The following TOX3 variants were observed in gnomAD, a reference collection of about 807,000 sequenced individuals.
TOX3 encodes CAG trinucleotide repeat-containing gene F9 protein.
Under a neutral mutation model 64.3 loss-of-function variants are expected in TOX3, and 22 were observed. The observed-to-expected ratio is 0.34, with a 90% CI of 0.24 to 0.49. The LOEUF is 0.49. TOX3 is among the 20% of genes least tolerant of loss of function. TOX3 has a pLI of 0.99. For missense variants in TOX3, 661 were observed against 714.4 expected (o/e 0.93, Z 0.85); for synonymous variants, 291 against 273.6 (o/e 1.06, Z -0.63).
At chr16:52,491,967 T>C (rs866752680) in intron 1 of TOX3, among the ~76,000 whole-genome samples, 1 of 152,038 alleles carries the variant, frequency 6.6e-6, no homozygotes, top group African/African-American at 2.4e-5. Flanking sequence ...ACACACCACA[T>C]TGCCAGGAGC....
At chr16:52,485,780 A>C (rs111456405) in intron 1 of TOX3, among the ~76,000 whole-genome samples, 136 of 152,290 alleles carry the variant, frequency 8.9e-4, no homozygotes, top group African/African-American at 3.2e-3. Flanking sequence ...ATGGTAATGG[A>C]GAGAAGAGAG....
At chr16:52,464,406 T>C (rs1290785737) in intron 2 of TOX3, among the ~76,000 whole-genome samples, 2 of 152,164 alleles carry the variant, frequency 1.3e-5, no homozygotes, top group African/African-American at 4.8e-5. Flanking sequence ...ATGGTTTTAA[T>C]GGAGTATCAG....
intron 5 of TOX3, 31 bp from the exon 6 acceptor site, chr16:52,444,387 T>C (rs1181803792): frequency 6.7e-7 from 1 of 1,503,632 alleles, no homozygotes; most frequent in Non-Finnish European, 9.0e-7. Context: ...GCACCACCTT[T>C]AGCGTATAAA....
At chr16:52,528,244 G>T (rs535250569) in intron 1 of TOX3, among the ~76,000 whole-genome samples, 7 of 152,262 alleles carry the variant, frequency 4.6e-5, no homozygotes, top group Admixed American at 3.3e-4. Flanking sequence ...TTAATGAAAT[G>T]CTTGGTATAC....
chr16:52,476,883 G>A (rs1010378766), intron 1 of TOX3, among the ~76,000 whole-genome samples: 6 of 152,136 alleles, frequency 3.9e-5, no homozygotes, highest in African/African-American at 1.4e-4. Context: ...ATCAAGCTAA[G>A]GGCCAACTCA....
In TOX3 at chr16:52,439,118, A is replaced by G; in HGVS notation, c.*107T>C. ...ACTTGAGAGGACCGTTTGATCTGTT[A>G]CACATTTCTGCATAACCAACACCAA... On this transcript the variant is annotated 3_prime_UTR_variant, in exon 7 of 7. Coordinates refer to ENST00000219746, the MANE Select transcript of TOX3 (RefSeq NM_001080430.4). The G allele has an allele frequency of 6.6e-7, 1 of 1,513,880 alleles. No individual in the cohort carries two copies. Among genetic ancestry groups the G allele is most frequent in the Non-Finnish European group, 9.0e-7 (1 of 1,111,140 alleles). 93.8% of individuals were successfully genotyped at this position (1,513,880 alleles called of 1,614,324 possible).
chr16:52,468,683 C>A, intron 1 of TOX3, 109 bp from the exon 2 acceptor site: 1 of 810,282 alleles, frequency 1.2e-6, no homozygotes, highest in East Asian at 2.6e-5. Context: ...TTTATCAGCC[C>A]AAATGCAAAA....
chr16:52,521,219 G>A lies in TOX3; in HGVS notation c.87+25418C>T, dbSNP rs1962599741. Among the ~76,000 whole-genome samples, 4 of 152,244 alleles carry A rather than the reference G, an allele frequency of 2.6e-5. No individual in the cohort carries two copies. In the South Asian group the frequency reaches 8.3e-4, roughly 32 times the overall value. The stretch of plus-strand genomic sequence containing the variant: ...ATTTTCTCACTGATGTAATAAGAAA[G>A]CCTGAAAGGAAAATGGAAATGCTTT... On this transcript the variant is annotated intron_variant, in intron 1 of 6. Coordinates refer to ENST00000219746, the MANE Select transcript of TOX3 (RefSeq NM_001080430.4).
At chr16:52,524,222 T>C (rs74017854) in intron 1 of TOX3, among the ~76,000 whole-genome samples, 3,040 of 152,270 alleles carry the variant, frequency 0.02, 98 homozygotes, top group African/African-American at 0.068. Flanking sequence ...TCTTGAACTA[T>C]GGCATCAGAA....
intron 1 of TOX3, among the ~76,000 whole-genome samples, chr16:52,470,889 G>C (rs972550620): frequency 9.2e-5 from 14 of 152,302 alleles, no homozygotes; most frequent in African/African-American, 3.4e-4. Flanking sequence ...AACACTTGCT[G>C]ATCAGGCGGG....
chr16:52,514,768 T>C (rs553678542), intron 1 of TOX3, among the ~76,000 whole-genome samples: 16 of 151,990 alleles, frequency 1.1e-4, no homozygotes, highest in Non-Finnish European at 1.5e-5. Flanking sequence ...TCCCAGCACT[T>C]TGGGAGGCCA....
At chr16:52,533,272 GC>G (rs537218928) in intron 1 of TOX3, among the ~76,000 whole-genome samples, 132 of 152,216 alleles carry the variant, frequency 8.7e-4, no homozygotes, top group African/African-American at 2.9e-3. Flanking sequence ...CCACTCTCAG[GC>G]CCACCCCAGA....
chr16:52,451,535 CTG>C (rs748256745), intron 3 of TOX3, among the ~76,000 whole-genome samples: 23 of 152,018 alleles, frequency 1.5e-4, no homozygotes, highest in Non-Finnish European at 3.1e-4. Context: ...TGGAGTGAGT[CTG>C]TGATTTTGCT....
In TOX3 at chr16:52,546,839, C is replaced by T. The variant is rs960945498; in HGVS notation, c.-116G>A. 23 of 1,242,634 alleles carry T rather than the reference C, an allele frequency of 1.9e-5. No individual in the cohort carries two copies. The African/African-American group carries it at 3.5e-4, about 19-fold the overall frequency. The allele number at this position is 1,242,634 out of a possible 1,614,324, so 77.0% of individuals were successfully genotyped here. A position where few individuals can be genotyped will look rare whatever the true frequency, so the allele number is the denominator to read the frequency against. On this transcript the variant is annotated 5_prime_UTR_variant, in exon 1 of 7. Coordinates refer to ENST00000219746, the MANE Select transcript of TOX3 (RefSeq NM_001080430.4). ...GCGCCCGGGGGTGGCGCGTGGGACT[C>T]GCGGCCGGAGGGGCGCCGGGACCCA...
intron 1 of TOX3, among the ~76,000 whole-genome samples, chr16:52,514,578 G>A (rs1211379525): frequency 6.6e-6 from 1 of 152,190 alleles, no homozygotes; most frequent in Non-Finnish European, 1.5e-5. Context: ...GGCTTGTGAA[G>A]GCTATGGGAG....
At chr16:52,476,072 G>A (rs1041511679) in intron 1 of TOX3, among the ~76,000 whole-genome samples, 2 of 152,156 alleles carry the variant, frequency 1.3e-5, no homozygotes, top group African/African-American at 2.4e-5. Context: ...GGCTTGGCAC[G>A]CATATTTACA....
At chr16:52,456,270 T>A (rs1960513545) in intron 3 of TOX3, among the ~76,000 whole-genome samples, 1 of 152,202 alleles carries the variant, frequency 6.6e-6, no homozygotes, top group African/African-American at 2.4e-5. Flanking sequence ...CCCATCTAAA[T>A]CAATTGCGGA....
intron 1 of TOX3, among the ~76,000 whole-genome samples, chr16:52,485,039 A>ATG (rs1219925008): frequency 7.4e-6 from 1 of 135,054 alleles, no homozygotes; most frequent in African/African-American, 3.1e-5. Flanking sequence ...TCAGATAAAT[A>ATG]TATATATATA....
intron 1 of TOX3, among the ~76,000 whole-genome samples, chr16:52,540,316 A>G (rs1963049977): frequency 6.6e-6 from 1 of 150,584 alleles, no homozygotes; most frequent in Non-Finnish European, 1.5e-5. Flanking sequence ...GTATGTGTGC[A>G]TCTCTTGAGC....
Sources: gnomAD v4.1 joint callset for allele counts (sites outside exome capture counted in the v4.1 genomes callset) on GRCh38, gnomAD v4.1.1 for gene constraint, MANE v1.5 for transcripts, NCBI Gene and HGNC (gene_info 2026-07-23, HGNC 2026-07-21) for gene names.